RTKN2: variants seen among roughly 807,000 people sequenced by gnomAD.
RTKN2 encodes rhotekin 2.
A neutral mutation model predicts 71.5 loss-of-function variants in RTKN2; 69 were observed. The ratio of observed to expected loss-of-function variants is 0.96; its 90% CI spans 0.79 to 1.18. The LOEUF is 1.18. Among genes scored for constraint, RTKN2 ranks in the 50% most tolerant of loss-of-function variants. The pLI is 0.00. For synonymous variants in RTKN2, 236 were observed against 236.5 expected (o/e 1.00, Z 0.02); for missense variants, 724 against 719.7 (o/e 1.01, Z -0.07).
intron 6 of RTKN2, among the ~76,000 whole-genome samples, chr10:62,231,088 G>A (rs1487991680): frequency 2.6e-5 from 4 of 152,070 alleles, no homozygotes; most frequent in East Asian, 1.9e-4. Context: ...CTGAACAAGT[G>A]TTTGGATGCA....
intron 9 of RTKN2, among the ~76,000 whole-genome samples, chr10:62,215,321 G>A (rs943347303): frequency 6.6e-6 from 1 of 151,816 alleles, no homozygotes; most frequent in Non-Finnish European, 1.5e-5. Flanking sequence ...AAGAAAACTG[G>A]CCTGGACTTT....
intron 2 of RTKN2, among the ~76,000 whole-genome samples, chr10:62,257,080 TTAAG>T (rs775200640): frequency 6.6e-6 from 1 of 152,208 alleles, no homozygotes; most frequent in Non-Finnish European, 1.5e-5. Flanking sequence ...TAAATTGTTC[TTAAG>T]TAAGTACACA....
intron 6 of RTKN2, among the ~76,000 whole-genome samples, chr10:62,234,785 T>C (rs1302042461): frequency 6.6e-6 from 1 of 152,128 alleles, no homozygotes; most frequent in Non-Finnish European, 1.5e-5. Context: ...AATAAATGAT[T>C]ATCCTTGGCT....
chr10:62,203,049 A>G (rs1841476582), intron 10 of RTKN2, among the ~76,000 whole-genome samples: 1 of 152,160 alleles, frequency 6.6e-6, no homozygotes, highest in Non-Finnish European at 1.5e-5. Flanking sequence ...AATCCCAGCT[A>G]CTAGGGAGAC....
intron 6 of RTKN2, among the ~76,000 whole-genome samples, chr10:62,225,912 GC>G (rs1381782348): frequency 6.6e-6 from 1 of 151,718 alleles, no homozygotes; most frequent in East Asian, 1.9e-4. Context: ...CTCCCGAGTA[GC>G]TGGGACTACA....
At chr10:62,228,906 A>G (rs1182977985) in intron 6 of RTKN2, among the ~76,000 whole-genome samples, 2 of 152,248 alleles carry the variant, frequency 1.3e-5, no homozygotes, top group African/African-American at 4.8e-5. Context: ...TGAGGGGCAG[A>G]GAGAGGATAT....
rs1168688410 is a variant in RTKN2 at position 62,195,606 on chromosome 10, T to TGAATGAAGGAAGGAAGGAAGGAAGGAAG, written c.*2301_*2302insCTTCCTTCCTTCCTTCCTTCCTTCATTC. 4 of 301,768 alleles carry TGAATGAAGGAAGGAAGGAAGGAAGGAAG rather than the reference T, an allele frequency of 1.3e-5. No individual in the cohort carries two copies. In the South Asian group the frequency reaches 3.5e-4, roughly 26 times the overall value. 18.7% of individuals were successfully genotyped at this position (301,768 alleles called of 1,614,324 possible). On this transcript the variant is annotated 3_prime_UTR_variant, in exon 12 of 12. Transcript: ENST00000373789. ...GGGAAGGAGAGACGGACAGAGGGAA[T>TGAATGAAGGAAGGAAGGAAGGAAGGAAG]GAAGGAAGGAAGGAAGGAAGGAAGG...
At chr10:62,260,436 G>C (rs1439678688) in intron 2 of RTKN2, among the ~76,000 whole-genome samples, 2 of 152,048 alleles carry the variant, frequency 1.3e-5, no homozygotes, top group African/African-American at 2.4e-5. Context: ...ACAAAATGAA[G>C]CTATAAACAA....
At chr10:62,243,854 CTG>C (rs1215176807) in intron 3 of RTKN2, among the ~76,000 whole-genome samples, 2 of 151,678 alleles carry the variant, frequency 1.3e-5, no homozygotes, top group Non-Finnish European at 3.0e-5. Flanking sequence ...TCCCAGAAGT[CTG>C]TCTATCATTT....
chr10:62,262,647 T>A lies in RTKN2; in HGVS notation c.235A>T (p.Ile79Phe), dbSNP rs547853576. The stretch of plus-strand genomic sequence containing the variant: ...AACCATCTTCCAGTCTGATTTGCAA[T>A]CTGTTCTTCTAATTTCTGTAGCTCC... ...TSELQKLEEQ[I>F]ANQTGRCDVK... The change falls in exon 2 of 12, where the codon ATT becomes TTT. Residue 79 changes from isoleucine to phenylalanine, a missense_variant. Coordinates refer to ENST00000373789, the MANE Select transcript of RTKN2 (RefSeq NM_145307.4). 7.5e-6 allele frequency: 12 copies of A among 1,607,314 alleles called. No individual in the cohort carries two copies. In the African/African-American group the frequency reaches 1.6e-4, roughly 21 times the overall value.
At chr10:62,245,511 C>T (rs1842461578) in intron 3 of RTKN2, among the ~76,000 whole-genome samples, 1 of 152,084 alleles carries the variant, frequency 6.6e-6, no homozygotes, top group African/African-American at 2.4e-5. Flanking sequence ...CAATGAAGAG[C>T]AGCCATCCAT....
chr10:62,200,143 C>A (rs1350777321), intron 10 of RTKN2, among the ~76,000 whole-genome samples: 1 of 151,970 alleles, frequency 6.6e-6, no homozygotes, highest in Admixed American at 6.6e-5. Flanking sequence ...GTGGGCAGAT[C>A]ACCTGAGGTC....
chr10:62,192,968 T>G (rs780319294), downstream of RTKN2, among the ~76,000 whole-genome samples: 5 of 152,276 alleles, frequency 3.3e-5, no homozygotes, highest in Non-Finnish European at 4.4e-5. Context: ...GTATGTTATA[T>G]CTATAGTATT....
intron 8 of RTKN2, among the ~76,000 whole-genome samples, chr10:62,217,704 A>C (rs1225361937): frequency 2.0e-5 from 3 of 152,196 alleles, no homozygotes; most frequent in African/African-American, 7.2e-5. Context: ...CTTTCCTCCT[A>C]ATGGAATCTT....
chr10:62,214,333 A>G (rs1174171399), intron 9 of RTKN2, among the ~76,000 whole-genome samples: 1 of 152,264 alleles, frequency 6.6e-6, no homozygotes, highest in Middle Eastern at 3.4e-3. Context: ...TGTAGCTCAC[A>G]TTGTCTTCAA....
rs751219187 is a variant in RTKN2 at position 62,217,235 on chromosome 10, A to C, written c.903T>G (p.Gly301=). 7 of 1,539,696 alleles carry C rather than the reference A, an allele frequency of 4.5e-6. No homozygotes were observed. The highest frequency in any genetic ancestry group is 6.1e-6 in the Non-Finnish European group (7 of 1,151,526). ...GFLNQQQMVE[G]LISWRRLYCV... ...AATACAACCTTCTCCAACTAATCAG[A>C]CCTTCTACCATTTGCTGAAAAAAAA... The change falls in exon 9 of 12, where the codon GGT becomes GGG. Residue 301 remains glycine (G), a synonymous_variant. Transcript: ENST00000373789.
chr10:62,210,915 T>C (rs917326880), intron 9 of RTKN2, among the ~76,000 whole-genome samples: 1 of 152,152 alleles, frequency 6.6e-6, no homozygotes, highest in African/African-American at 2.4e-5. Flanking sequence ...TAAAATCCCA[T>C]GTGCTTCATA....
chr10:62,232,801 C>A (rs1842177012), intron 6 of RTKN2, among the ~76,000 whole-genome samples: 1 of 151,794 alleles, frequency 6.6e-6, no homozygotes, highest in African/African-American at 2.4e-5. Context: ...GGTAACAGAG[C>A]TTACTACAAA....
In RTKN2 at chr10:62,262,772, C is replaced by T. The variant is rs1842797321; in HGVS notation, c.110G>A (p.Gly37Glu). 6.2e-7 allele frequency: 1 copy of T among 1,612,014 alleles called. No homozygotes were observed. Among genetic ancestry groups the T allele is most frequent in the Non-Finnish European group, 8.5e-7 (1 of 1,179,266 alleles). Reference protein sequence around the residue: ...KIDLEIRMREGIWKLLSLSTQ... With the variant: ...KIDLEIRMREEIWKLLSLSTQ... ...GCTCAGAGAAAGGAGTTTCCATATT[C>T]CTTCTCGCATTCGAATTTCTAAGTC... The change falls in exon 2 of 12, where the codon GGA becomes GAA. Residue 37 changes from glycine (G) to glutamate (E), a missense_variant. By Grantham distance (98) the Gly-to-Glu change is moderately conservative. Transcript: ENST00000373789.
Sources: gnomAD v4.1 joint callset for allele counts (sites outside exome capture counted in the v4.1 genomes callset) on GRCh38, gnomAD v4.1.1 for gene constraint, MANE v1.5 for transcripts, NCBI Gene and HGNC (gene_info 2026-07-23, HGNC 2026-07-21) for gene names.